TRMT11: variants seen among roughly 807,000 people sequenced by gnomAD.
The protein encoded by TRMT11 is tRNA methyltransferase 11.
In TRMT11, 53 loss-of-function variants were observed where a neutral mutation model predicts 62.8. The ratio of observed to expected loss-of-function variants is 0.84; its 90% CI spans 0.68 to 1.06. The LOEUF (loss-of-function observed/expected upper bound fraction) is 1.06, where lower values mean the gene tolerates loss of function less well. Ranked by LOEUF, TRMT11 falls within the 50% of genes least tolerant of loss-of-function variation. TRMT11 has a pLI of 0.00. For missense variants in TRMT11, 556 were observed against 553.4 expected, an observed-to-expected ratio of 1.00 and a Z score of -0.05; for synonymous variants, 188 against 190.3, an observed-to-expected ratio of 0.99 and a Z score of 0.10.
chr6:126,179,053 A>G (rs548078764), intron 1 of TRMT11, among the ~76,000 whole-genome samples: 2 of 152,168 alleles, frequency 1.3e-5, no homozygotes, highest in South Asian at 4.1e-4. Flanking sequence ...ATTTCAACCA[A>G]TTACTTCAAA....
At chr6:126,037,702 A>AT (rs1160722275) in intron 12 of TRMT11, among the ~76,000 whole-genome samples, 5 of 151,870 alleles carry the variant, frequency 3.3e-5, no homozygotes, top group East Asian at 1.9e-4. Context: ...CTAAACCTGG[A>AT]TTTTTTTTAT....
intron 17 of TRMT11, among the ~76,000 whole-genome samples, chr6:126,076,749 G>A (rs146129872): frequency 1.3e-5 from 2 of 152,232 alleles, no homozygotes; most frequent in African/African-American, 4.8e-5. Flanking sequence ...CTAATGTCCT[G>A]TGTGTGTCTC....
At chr6:126,181,254 T>C (rs1311713859) in intron 1 of TRMT11, among the ~76,000 whole-genome samples, 1 of 152,216 alleles carries the variant, frequency 6.6e-6, no homozygotes, top group Non-Finnish European at 1.5e-5. Context: ...AATTTTCCTC[T>C]GGCTTAATGC....
chr6:126,265,503 A>G, the TRMT11 span, among the ~76,000 whole-genome samples: 1 of 152,144 alleles, frequency 6.6e-6, no homozygotes, highest in Non-Finnish European at 1.5e-5. Flanking sequence ...AAAACAAAAT[A>G]ACTATATAAA....
the TRMT11 span, among the ~76,000 whole-genome samples, chr6:126,212,493 A>G: frequency 1.3e-5 from 2 of 152,090 alleles, no homozygotes; most frequent in Non-Finnish European, 2.9e-5. Context: ...ATCTTATTAT[A>G]GTTTTGGGTT....
upstream of TRMT11, among the ~76,000 whole-genome samples, chr6:126,173,048 A>AG (rs1348619839): frequency 6.6e-6 from 1 of 152,172 alleles, no homozygotes; most frequent in Non-Finnish European, 1.5e-5. Context: ...ATGGTTAGGT[A>AG]GTTGCCAACA....
At chr6:126,210,640 G>T in the TRMT11 span, among the ~76,000 whole-genome samples, 1 of 152,188 alleles carries the variant, frequency 6.6e-6, no homozygotes, top group Non-Finnish European at 1.5e-5. Flanking sequence ...TATATCTCCA[G>T]CAAGACCTTC....
intron 17 of TRMT11, among the ~76,000 whole-genome samples, chr6:126,060,953 G>T (rs1419809189): frequency 6.6e-6 from 1 of 152,228 alleles, no homozygotes; most frequent in African/African-American, 2.4e-5. Context: ...ACTTATTGGA[G>T]TGGGCAGTTT....
intron 12 of TRMT11, 63 bp from the exon 13 acceptor site, chr6:126,038,642 A>G (rs1189724639): frequency 6.9e-7 from 1 of 1,440,122 alleles, no homozygotes; most frequent in Non-Finnish European, 9.2e-7. Context: ...AAGGTAAACA[A>G]CTGCTTTGGT....
the TRMT11 span, among the ~76,000 whole-genome samples, chr6:126,215,463 G>C: frequency 1.3e-5 from 2 of 151,864 alleles, no homozygotes; most frequent in Admixed American, 6.6e-5. Context: ...TCTTTTTACA[G>C]CTTTTGTCTT....
At chr6:126,047,951 T>C (rs1357037417) in intron 16 of TRMT11, among the ~76,000 whole-genome samples, 1 of 152,204 alleles carries the variant, frequency 6.6e-6, no homozygotes, top group Non-Finnish European at 1.5e-5. Context: ...TAGCCTTGCT[T>C]GTCATATAAA....
chr6:126,146,215 C>T (rs922700358), intron 21 of TRMT11, among the ~76,000 whole-genome samples: 2 of 152,124 alleles, frequency 1.3e-5, no homozygotes, highest in African/African-American at 2.4e-5. Flanking sequence ...AGAACAGTTG[C>T]GTCTTGTTTT....
chr6:126,255,694 C>A, the TRMT11 span, among the ~76,000 whole-genome samples: 1 of 151,944 alleles, frequency 6.6e-6, no homozygotes, highest in South Asian at 2.1e-4. Context: ...GGCTCCTGGA[C>A]TAATTTTACT....
At chr6:126,057,397 G>T (rs1348488460) in intron 17 of TRMT11, among the ~76,000 whole-genome samples, 1 of 152,230 alleles carries the variant, frequency 6.6e-6, no homozygotes, top group Non-Finnish European at 1.5e-5. Context: ...GATGAATTAT[G>T]GTGGGATATT....
intron 8 of TRMT11, 93 bp downstream of exon 8, chr6:126,008,565 A>G: frequency 1.9e-6 from 2 of 1,055,328 alleles, no homozygotes; most frequent in East Asian, 2.4e-5. Flanking sequence ...CACAAGTTTG[A>G]ATTGCACAGG....
chr6:126,255,913 G>T, the TRMT11 span, among the ~76,000 whole-genome samples: 26 of 152,152 alleles, frequency 1.7e-4, no homozygotes, highest in Admixed American at 5.2e-4. Flanking sequence ...AAACTTAGAG[G>T]CTAAAAGAAC....
chr6:126,211,995 C>T, the TRMT11 span, among the ~76,000 whole-genome samples: 30 of 152,186 alleles, frequency 2.0e-4, no homozygotes, highest in East Asian at 5.4e-3. Context: ...TAATTTTTAG[C>T]TCTAACAAAT....
chr6:126,196,712 AG>A (rs563516046), intron 1 of TRMT11, among the ~76,000 whole-genome samples: 74 of 152,228 alleles, frequency 4.9e-4, no homozygotes, highest in African/African-American at 1.7e-3. Flanking sequence ...GCTGTGAGGA[AG>A]GTATAATGGA....
chr6:126,177,419 A>G (rs1778399106), intron 1 of TRMT11: 1 of 152,042 alleles, frequency 6.6e-6, no homozygotes, highest in East Asian at 1.9e-4. Context: ...GCTATCCCCA[A>G]CTCTCGATGT....
Sources: allele counts gnomAD v4.1 joint callset (sites outside exome capture counted in the v4.1 genomes callset), GRCh38; gene constraint gnomAD v4.1.1; transcripts MANE v1.5; gene names NCBI Gene and HGNC (gene_info 2026-07-23, HGNC 2026-07-21).